The following BMAL1 variants were observed in gnomAD, a reference collection of about 807,000 sequenced individuals.
BMAL1 encodes basic helix-loop-helix ARNT-like protein 1.
the BMAL1 span, among the ~76,000 whole-genome samples, chr11:13,277,436 C>T: frequency 3.3e-4 from 50 of 152,292 alleles, no homozygotes; most frequent in Non-Finnish European, 3.8e-4. Flanking sequence ...GGCGAGGAAC[C>T]CAGGGAGCGC....
chr11:13,368,132 A>T, the BMAL1 span, among the ~76,000 whole-genome samples: 1 of 152,232 alleles, frequency 6.6e-6, no homozygotes, highest in Non-Finnish European at 1.5e-5. Flanking sequence ...AAAAATATGA[A>T]TGGCATTTGG....
chr11:13,354,675 A>G, the BMAL1 span: 1 of 518,024 alleles, frequency 1.9e-6, no homozygotes, highest in Non-Finnish European at 3.4e-6. Context: ...CCTGTCCCCA[A>G]AATGTTCTAC....
chr11:13,334,052 G>A, the BMAL1 span, among the ~76,000 whole-genome samples: 4 of 152,204 alleles, frequency 2.6e-5, no homozygotes, highest in African/African-American at 7.2e-5. Flanking sequence ...TCTAAGCTCC[G>A]TACGTGAATT....
the BMAL1 span, chr11:13,366,596 GCTTA>G: frequency 8.0e-6 from 11 of 1,367,864 alleles, no homozygotes; most frequent in Non-Finnish European, 1.1e-5. Flanking sequence ...GACTGTGCAT[GCTTA>G]CTTGTTGCAT....
chr11:13,350,988 T>C, the BMAL1 span, among the ~76,000 whole-genome samples: 1 of 152,236 alleles, frequency 6.6e-6, no homozygotes, highest in Non-Finnish European at 1.5e-5. Context: ...TTCTGGGCAC[T>C]AAGGGCACAA....
the BMAL1 span, among the ~76,000 whole-genome samples, chr11:13,285,524 C>A: frequency 1.3e-5 from 2 of 152,070 alleles, no homozygotes; most frequent in African/African-American, 4.8e-5. Context: ...ACAGGGGAGA[C>A]CTCTCTGAGG....
the BMAL1 span, chr11:13,353,064 C>T: frequency 6.6e-6 from 1 of 152,216 alleles, no homozygotes; most frequent in Non-Finnish European, 1.5e-5. Flanking sequence ...GCTTTCCTTG[C>T]AAAGGATGCT....
At chr11:13,335,970 A>G in the BMAL1 span, among the ~76,000 whole-genome samples, 1 of 152,070 alleles carries the variant, frequency 6.6e-6, no homozygotes, top group Non-Finnish European at 1.5e-5. Flanking sequence ...AAATATTTTT[A>G]TTGCATTTTT....
At chr11:13,312,271 ATG>A in the BMAL1 span, among the ~76,000 whole-genome samples, 1 of 152,222 alleles carries the variant, frequency 6.6e-6, no homozygotes, top group Non-Finnish European at 1.5e-5. Context: ...ATGAGTAACT[ATG>A]CAAGGTTACA....
the BMAL1 span, among the ~76,000 whole-genome samples, chr11:13,286,610 T>C: frequency 1.3e-5 from 2 of 152,204 alleles, no homozygotes; most frequent in Non-Finnish European, 2.9e-5. Flanking sequence ...TATATGGCAC[T>C]CAGCAATGAG....
the BMAL1 span, among the ~76,000 whole-genome samples, chr11:13,368,013 G>A: frequency 7.9e-5 from 12 of 152,192 alleles, no homozygotes; most frequent in African/African-American, 2.9e-4. Flanking sequence ...TCTCCTTCAA[G>A]TCATCTCTTT....
the BMAL1 span, among the ~76,000 whole-genome samples, chr11:13,284,612 C>G: frequency 6.9e-6 from 1 of 144,006 alleles, no homozygotes; most frequent in African/African-American, 2.5e-5. Context: ...TGGAAATTGT[C>G]TTTTTTTTTT....
the BMAL1 span, among the ~76,000 whole-genome samples, chr11:13,289,398 T>C: frequency 6.6e-6 from 1 of 152,184 alleles, no homozygotes; most frequent in Non-Finnish European, 1.5e-5. Flanking sequence ...TTGTTTTTAT[T>C]ATACTTTAAG....
chr11:13,324,470 T>A, the BMAL1 span, among the ~76,000 whole-genome samples: 1 of 152,166 alleles, frequency 6.6e-6, no homozygotes, highest in African/African-American at 2.4e-5. Flanking sequence ...CTGTCTCACC[T>A]TCACTCCACG....
the BMAL1 span, among the ~76,000 whole-genome samples, chr11:13,369,357 C>T: frequency 2.0e-5 from 3 of 152,202 alleles, no homozygotes; most frequent in Admixed American, 6.5e-5. Flanking sequence ...GGGCAAGAAC[C>T]CCATACTATA....
chr11:13,372,464 A>T, the BMAL1 span: 1 of 1,597,966 alleles, frequency 6.3e-7, no homozygotes, highest in Admixed American at 1.7e-5. Flanking sequence ...TTCAACCCTG[A>T]TCTAAAAAGC....
At chr11:13,355,374 C>T in the BMAL1 span, 3 of 1,359,676 alleles carry the variant, frequency 2.2e-6, no homozygotes, top group African/African-American at 4.3e-5. Flanking sequence ...GGGCGTTCTT[C>T]CATAGCAGTA....
chr11:13,342,001 G>A, the BMAL1 span, among the ~76,000 whole-genome samples: 2 of 152,154 alleles, frequency 1.3e-5, no homozygotes, highest in Non-Finnish European at 1.5e-5. Context: ...AGCACATATC[G>A]CCCCCAGCCT....
chr11:13,314,287 T>G, the BMAL1 span, among the ~76,000 whole-genome samples: 1 of 144,382 alleles, frequency 6.9e-6, no homozygotes, highest in Non-Finnish European at 1.5e-5. Context: ...TCTCTCTCTC[T>G]CTGTTCCAAG....
Sources: allele counts gnomAD v4.1 joint callset (sites outside exome capture counted in the v4.1 genomes callset), GRCh38; gene constraint gnomAD v4.1.1; transcripts MANE v1.5; gene names NCBI Gene and HGNC (gene_info 2026-07-23, HGNC 2026-07-21).